BHLHE41: variants seen among roughly 807,000 people sequenced by gnomAD.
The protein encoded by BHLHE41 is basic helix-loop-helix family member e41, also known as class E basic helix-loop-helix protein 41.
In BHLHE41, 14 loss-of-function variants were observed where a neutral mutation model predicts 24.0. The ratio of observed to expected loss-of-function variants is 0.58; its 90% CI spans 0.39 to 0.91. The LOEUF (loss-of-function observed/expected upper bound fraction) is 0.91, where lower values mean the gene tolerates loss of function less well. Among genes scored for constraint, BHLHE41 ranks in the 40% least tolerant of loss-of-function variants. The pLI is 0.00. For synonymous variants in BHLHE41, 394 were observed against 315.5 expected, an observed-to-expected ratio of 1.25 and a Z score of -2.64; for missense variants, 674 against 655.4, an observed-to-expected ratio of 1.03 and a Z score of -0.31.
Position 26,122,344 on chromosome 12 carries a change from C to T in BHLHE41, c.1171G>A (p.Gly391Ser), listed in dbSNP as rs765117312. 1.7e-5 allele frequency: 20 copies of T among 1,174,070 alleles called. No individual in the cohort carries two copies. Among genetic ancestry groups the T allele is most frequent in the Middle Eastern group, 6.8e-4 (2 of 2,944 alleles). 72.7% of individuals were successfully genotyped at this position (1,174,070 alleles called of 1,614,324 possible). A position where few individuals can be genotyped will look rare whatever the true frequency, so the allele number is the denominator to read the frequency against. ...AAAPFPLLYP[G>S]IPAPAAAAAA... is the part of the protein sequence containing the mutation. ...GCGGCTGCCGCCGGGGCGGGGATGC[C>T]GGGGTATAGCAGCGGGAACGGGGCG... The change falls in exon 5 of 5, where the codon GGC (glycine) becomes AGC (serine). Residue 391 changes from glycine to serine, a missense_variant. Physicochemically the swap from Gly to Ser is moderately conservative, Grantham distance 56 (BLOSUM62 0). Coordinates refer to ENST00000242728, the MANE Select transcript of BHLHE41 (RefSeq NM_030762.3).
rs1408302736 is a variant in BHLHE41, at chr12:26,122,699, C to T, written c.816G>A (p.Glu272=). Residue 272 remains glutamate (E), a synonymous_variant, in exon 5 of 5, where the codon GAG becomes GAA. Transcript: ENST00000242728. Reference sequence around the variant, plus strand: ...TCATCCTCTTGGGCGCCGGCGAGTCCTCCCCGGGAGGCTCCTGCTTGATGG... The same window carrying T: ...TCATCCTCTTGGGCGCCGGCGAGTCTTCCCCGGGAGGCTCCTGCTTGATGG... ...RVTIKQEPPG[E]DSPAPKRMKL... 1 of 1,568,588 alleles carries T rather than the reference C, an allele frequency of 6.4e-7. No homozygotes were observed. The highest frequency in any genetic ancestry group is 8.6e-7 in the Non-Finnish European group (1 of 1,162,578).
chr12:26,122,510 C>A lies in BHLHE41; in HGVS notation c.1005G>T (p.Ala335=). The part of the protein sequence containing the change: ...SLVAFGGGGG[A]PFPQPAAAAA... Reference sequence around the variant, plus strand: ...CGGCGGCCGCGGGCTGCGGGAAGGGCGCGCCTCCGCCTCCGCCGAACGCCA... The same window carrying A: ...CGGCGGCCGCGGGCTGCGGGAAGGGAGCGCCTCCGCCTCCGCCGAACGCCA... The change falls in exon 5 of 5, where the codon GCG becomes GCT. Residue 335 remains alanine, a synonymous_variant. Coordinates refer to ENST00000242728, the MANE Select transcript of BHLHE41 (RefSeq NM_030762.3). 7.7e-7 allele frequency: 1 copy of A among 1,300,666 alleles called. No individual in the cohort carries two copies. The highest frequency in any genetic ancestry group is 2.9e-5 in the Admixed American group (1 of 34,210). 80.6% of individuals were successfully genotyped at this position (1,300,666 alleles called of 1,614,324 possible).
Position 26,121,919 on chromosome 12 carries a change from G to C in BHLHE41, c.*147C>G. The C allele has an allele frequency of 6.5e-7, 1 of 1,529,004 alleles. No individual in the cohort carries two copies. Among genetic ancestry groups the C allele is most frequent in the South Asian group, 1.2e-5 (1 of 82,216 alleles). The allele number at this position is 1,529,004 out of a possible 1,614,324, so 94.7% of individuals were successfully genotyped here. A position where few individuals can be genotyped will look rare whatever the true frequency, so the allele number is the denominator to read the frequency against. On this transcript the variant is annotated 3_prime_UTR_variant, in exon 5 of 5. Coordinates refer to ENST00000242728, the MANE Select transcript of BHLHE41 (RefSeq NM_030762.3). Reference sequence around the variant, plus strand: ...ATGTACACATAACACCTGTTTTGTTGTTCTTGTTTATGCCTGTCGTGCATC... The same window carrying C: ...ATGTACACATAACACCTGTTTTGTTCTTCTTGTTTATGCCTGTCGTGCATC...
intron 4 of BHLHE41, 36 bp downstream of exon 4, chr12:26,123,594 T>C (rs1384735378): frequency 1.4e-6 from 2 of 1,468,418 alleles, no homozygotes; most frequent in Non-Finnish European, 9.5e-7. Context: ...CTGCCCCGCT[T>C]CATCAGGGTA....
In BHLHE41 at chr12:26,121,774, G is replaced by A; in HGVS notation, c.*292C>T. 1.9e-6 allele frequency: 1 copy of A among 518,142 alleles called. No homozygotes were observed. Among genetic ancestry groups the A allele is most frequent in the Non-Finnish European group, 3.0e-6 (1 of 329,112 alleles). The allele number at this position is 518,142 out of a possible 1,614,324, so 32.1% of individuals were successfully genotyped here. ...TAAAAGGGGGCAAAATTTATTTGGGGGATTAAAAAAAAGAGCCAGTGTCTT... is the reference window on the plus strand; with the variant it reads ...TAAAAGGGGGCAAAATTTATTTGGGAGATTAAAAAAAAGAGCCAGTGTCTT... On this transcript the variant is annotated 3_prime_UTR_variant, in exon 5 of 5. Transcript: ENST00000242728.
rs1291393691 is a variant in BHLHE41 at position 26,121,928 on chromosome 12, T to G, written c.*138A>C. ...TAACACCTGTTTTGTTGTTCTTGTT[T>G]ATGCCTGTCGTGCATCTATTACACT... On this transcript the variant is annotated 3_prime_UTR_variant, in exon 5 of 5. Transcript: ENST00000242728. 1 of 1,533,960 alleles carries G rather than the reference T, an allele frequency of 6.5e-7. No homozygotes were observed. The highest frequency in any genetic ancestry group is 8.8e-7 in the Non-Finnish European group (1 of 1,139,804).
At position 26,122,023 on chromosome 12, in the gene BHLHE41, C is replaced by G. The variant is rs911470692; in HGVS notation, c.*43G>C. 3.9e-6 allele frequency: 6 copies of G among 1,547,162 alleles called. No individual in the cohort carries two copies. Among genetic ancestry groups the G allele is most frequent in the Non-Finnish European group, 5.2e-6 (6 of 1,145,096 alleles). On this transcript the variant is annotated 3_prime_UTR_variant, in exon 5 of 5. Coordinates refer to ENST00000242728, the MANE Select transcript of BHLHE41 (RefSeq NM_030762.3). Reference sequence around the variant, plus strand: ...TTGAACCTCCTTAAGGGTATTTTAACTTCTCACTCTGCTTGAACCTCCGTC... The same window carrying G: ...TTGAACCTCCTTAAGGGTATTTTAAGTTCTCACTCTGCTTGAACCTCCGTC...
chr12:26,124,676 C>T, intron 1 of BHLHE41, 42 bp downstream of exon 1: 1 of 1,613,796 alleles, frequency 6.2e-7, no homozygotes, highest in East Asian at 2.2e-5. Context: ...AAAAATCAAA[C>T]CAAAGCCTAG....
At chr12:26,124,654 TC>T in intron 1 of BHLHE41, 63 bp downstream of exon 1, 2 of 1,612,932 alleles carry the variant, frequency 1.2e-6, no homozygotes, top group Non-Finnish European at 1.7e-6. Flanking sequence ...CATACCACTT[TC>T]TGGAGAAGAA....
At position 26,122,756 on chromosome 12, in the gene BHLHE41, C is replaced by T. The variant is rs1178678688; in HGVS notation, c.759G>A (p.Glu253=). 1.9e-6 allele frequency: 3 copies of T among 1,596,424 alleles called. No individual in the cohort carries two copies. The highest frequency in any genetic ancestry group is 2.5e-6 in the Non-Finnish European group (3 of 1,176,490). Residue 253 remains glutamate (E), a synonymous_variant, in exon 5 of 5, where the codon GAG becomes GAA. Transcript: ENST00000242728. ...GGEAEARPDR[E]KGKGAGASRV... is the part of the protein sequence containing the mutation. Reference sequence around the variant, plus strand: ...GGCTCGCCCCCGCGCCTTTGCCTTTCTCGCGGTCCGGCCGGGCCTCGGCTT... The same window carrying T: ...GGCTCGCCCCCGCGCCTTTGCCTTTTTCGCGGTCCGGCCGGGCCTCGGCTT...
Position 26,120,836 on chromosome 12 carries a change from G to A in BHLHE41, c.*1230C>T, listed in dbSNP as rs1363426623. 6.6e-6 allele frequency: 1 copy of A among 152,608 alleles called. No individual in the cohort carries two copies. Among genetic ancestry groups the A allele is most frequent in the Non-Finnish European group, 1.5e-5 (1 of 68,022 alleles). The allele number at this position is 152,608 out of a possible 1,614,324, so 9.5% of individuals were successfully genotyped here. On this transcript the variant is annotated 3_prime_UTR_variant, in exon 5 of 5. Transcript: ENST00000242728. The stretch of plus-strand genomic sequence containing the variant: ...CAACAAACTAAAAATATCTAGACAA[G>A]GTCTTGGTTTAAGCCTTATTAAAAA...
At position 26,124,530 on chromosome 12, in the gene BHLHE41, C is replaced by T. The variant is rs1398499422; in HGVS notation, c.115G>A (p.Asp39Asn). ...MCKPKRSMKR[D>N]DTKDTYKLPH... is the part of the protein sequence containing the mutation. Reference sequence around the variant, plus strand: ...GAACTTACACTTACCTTGGTGTCGTCTCGTTTCATGCTCCTTTTGGGTTTA... The same window carrying T: ...GAACTTACACTTACCTTGGTGTCGTTTCGTTTCATGCTCCTTTTGGGTTTA... Residue 39 changes from aspartate to asparagine, a missense_variant, in exon 2 of 5, where the codon GAC becomes AAC. Around this residue, in one of 3 missense-constraint regions of BHLHE41, gnomAD observed 67 missense variants for 62.4 expected, o/e 1.07. Coordinates refer to ENST00000242728, the MANE Select transcript of BHLHE41 (RefSeq NM_030762.3). 6.2e-7 allele frequency: 1 copy of T among 1,614,116 alleles called. No homozygotes were observed. Among genetic ancestry groups the T allele is most frequent in the East Asian group, 2.2e-5 (1 of 44,874 alleles).
chr12:26,124,623 G>A (rs1358961722), intron 1 of BHLHE41, 41 bp from the exon 2 acceptor site: 2 of 1,613,008 alleles, frequency 1.2e-6, no homozygotes, highest in Non-Finnish European at 8.5e-7. Flanking sequence ...ATTCGGGGAG[G>A]GGCTCTGCCC....
chr12:26,122,513 G>A lies in BHLHE41; in HGVS notation c.1002C>T (p.Gly334=). 7.7e-7 allele frequency: 1 copy of A among 1,294,120 alleles called. No individual in the cohort carries two copies. Among genetic ancestry groups the A allele is most frequent in the Non-Finnish European group, 9.9e-7 (1 of 1,010,798 alleles). 80.2% of individuals were successfully genotyped at this position (1,294,120 alleles called of 1,614,324 possible). The change falls in exon 5 of 5, where the codon GGC becomes GGT. Residue 334 remains glycine, a synonymous_variant. Coordinates refer to ENST00000242728, the MANE Select transcript of BHLHE41 (RefSeq NM_030762.3). ...SSLVAFGGGG[G]APFPQPAAAA... ...CGGCCGCGGGCTGCGGGAAGGGCGC[G>A]CCTCCGCCTCCGCCGAACGCCACCA...
Position 26,124,574 on chromosome 12 carries a change from T to A in BHLHE41, c.71A>T (p.Tyr24Phe), listed in dbSNP as rs368411883. ...GGGTTTACACATATACAAAGAGGAATAGTCCAGTCTGCAAAACAGAAATCA... is the reference window on the plus strand; with the variant it reads ...GGGTTTACACATATACAAAGAGGAAAAGTCCAGTCTGCAAAACAGAAATCA... Reference protein sequence around the residue: ...LEHRDFIGLDYSSLYMCKPKR... With the variant: ...LEHRDFIGLDFSSLYMCKPKR... The change falls in exon 2 of 5, where the codon TAT becomes TTT. Residue 24 changes from tyrosine (Y) to phenylalanine (F), a missense_variant. Transcript: ENST00000242728. 6.2e-7 allele frequency: 1 copy of A among 1,614,180 alleles called. No homozygotes were observed. Among genetic ancestry groups the A allele is most frequent in the African/African-American group, 1.3e-5 (1 of 75,044 alleles).
Position 26,121,889 on chromosome 12 carries a change from T to A in BHLHE41, c.*177A>T. ...GGTGCGGGATGAGCAAAACAGGAAC[T>A]CCGAATGTACACATAACACCTGTTT... On this transcript the variant is annotated 3_prime_UTR_variant, in exon 5 of 5. Coordinates refer to ENST00000242728, the MANE Select transcript of BHLHE41 (RefSeq NM_030762.3). 1 of 1,484,930 alleles carries A rather than the reference T, an allele frequency of 6.7e-7. No homozygotes were observed. Among genetic ancestry groups the A allele is most frequent in the Non-Finnish European group, 9.0e-7 (1 of 1,113,004 alleles). The allele number at this position is 1,484,930 out of a possible 1,614,324, so 92.0% of individuals were successfully genotyped here.
In BHLHE41 at chr12:26,122,831, G is replaced by C. The variant is rs1944325009; in HGVS notation, c.684C>G (p.Ala228=). The change falls in exon 5 of 5, where the codon GCC becomes GCG. Residue 228 remains alanine (A), a synonymous_variant. Coordinates refer to ENST00000242728, the MANE Select transcript of BHLHE41 (RefSeq NM_030762.3). ...CCGTGTCGTTCTCGGCGGCGAGCTC[G>C]GCGCTGGGCTGAGTCCGCTGGATGA... ...VPVIQRTQPS[A]ELAAENDTDT... is the part of the protein sequence containing the mutation. 6 of 1,581,922 alleles carry C rather than the reference G, an allele frequency of 3.8e-6. No individual in the cohort carries two copies. The highest frequency in any genetic ancestry group is 1.1e-5 in the South Asian group (1 of 87,010).
chr12:26,124,593 G>A lies in BHLHE41; in HGVS notation c.63-11C>T, dbSNP rs561252927. On this transcript the variant is annotated splice_polypyrimidine_tract_variant and intron_variant, in intron 1 of 4. Coordinates refer to ENST00000242728, the MANE Select transcript of BHLHE41 (RefSeq NM_030762.3). ...GAGGAATAGTCCAGTCTGCAAAACA[G>A]AAATCAGCATCAGGCACCCATTCGG... The A allele has an allele frequency of 1.2e-6, 2 of 1,614,162 alleles. No homozygotes were observed. The highest frequency in any genetic ancestry group is 2.2e-5 in the East Asian group (1 of 44,882).
Position 26,122,619 on chromosome 12 carries a change from G to A in BHLHE41, c.896C>T (p.Ala299Val), listed in dbSNP as rs763993147. The A allele has an allele frequency of 2.1e-5, 24 of 1,167,938 alleles. No homozygotes were observed. The highest frequency in any genetic ancestry group is 3.5e-4 in the Middle Eastern group (1 of 2,856). 72.3% of individuals were successfully genotyped at this position (1,167,938 alleles called of 1,614,324 possible). The change falls in exon 5 of 5, where the codon GCG becomes GTG. Residue 299 changes from alanine to valine, a missense_variant. Transcript: ENST00000242728. Reference protein sequence around the residue: ...SGGGPGGGAAAAAAALLGPDP... With the variant: ...SGGGPGGGAAVAAAALLGPDP... ...GGGCCCCAGAAGCGCGGCTGCCGCC[G>A]CCGCCGCGCCGCCCCCCGGGCCGCC...
Sources: allele counts gnomAD v4.1 joint callset, GRCh38; gene constraint gnomAD v4.1.1; regional missense constraint gnomAD v4.1.1; transcripts MANE v1.5; gene names NCBI Gene and HGNC (gene_info 2026-07-23, HGNC 2026-07-21).